Variants in MCFD2 observed in about 807,000 individuals in gnomAD.
MCFD2 encodes the protein multiple coagulation factor deficiency 2, ER cargo receptor complex subunit, also known as multiple coagulation factor deficiency protein 2.
MCFD2 carries 11 observed loss-of-function variants against 12.8 expected under a neutral mutation model. The ratio of observed to expected loss-of-function variants is 0.86; its 90% CI spans 0.54 to 1.42. The LOEUF is 1.42. Among genes scored for constraint, MCFD2 ranks in the 40% most tolerant of loss-of-function variants. The pLI is 0.00. For missense variants in MCFD2, 191 were observed against 178.6 expected, an observed-to-expected ratio of 1.07 and a Z score of -0.40; for synonymous variants, 70 against 68.1, an observed-to-expected ratio of 1.03 and a Z score of -0.14.
At chr2:46,910,605 G>C (rs1264531411) in intron 1 of MCFD2, among the ~76,000 whole-genome samples, 1 of 152,160 alleles carries the variant, frequency 6.6e-6, no homozygotes, top group Non-Finnish European at 1.5e-5. Flanking sequence ...CATCCTAAAA[G>C]GCTCTCAGGG....
chr2:46,936,778 A>G (rs1670000351), intron 1 of MCFD2, among the ~76,000 whole-genome samples: 1 of 152,232 alleles, frequency 6.6e-6, no homozygotes, highest in African/African-American at 2.4e-5. Flanking sequence ...TAGAATGCAA[A>G]GTGAACACAA....
At chr2:46,935,645 C>T (rs1016802891) in intron 1 of MCFD2, among the ~76,000 whole-genome samples, 2 of 152,156 alleles carry the variant, frequency 1.3e-5, no homozygotes, top group African/African-American at 4.8e-5. Context: ...CGCAGTGATC[C>T]AACTGAGACC....
chr2:46,918,750 C>A (rs577120010), upstream of MCFD2, among the ~76,000 whole-genome samples: 1 of 152,296 alleles, frequency 6.6e-6, no homozygotes, highest in East Asian at 1.9e-4. Context: ...AGAAATCTCA[C>A]GAGCAATATG....
intron 3 of MCFD2, chr2:46,905,863 T>C (rs1668205107): frequency 1.8e-6 from 1 of 559,084 alleles, no homozygotes; most frequent in African/African-American, 1.9e-5. Context: ...AAATTACATT[T>C]GCCAGTTAAA....
In MCFD2 at chr2:46,907,696, G is replaced by T; in HGVS notation, c.309+114C>A. The T allele has an allele frequency of 8.6e-7, 1 of 1,158,336 alleles. No homozygotes were observed. The highest frequency in any genetic ancestry group is 1.3e-6 in the Non-Finnish European group (1 of 780,890). The allele number at this position is 1,158,336 out of a possible 1,614,324, so 71.8% of individuals were successfully genotyped here. The stretch of plus-strand genomic sequence containing the variant: ...ACAGATGCGAGCCATCATGCCCAGT[G>T]GAGAAGCAGCACTCTTGGCACATAA... On this transcript the variant is annotated intron_variant, in intron 3 of 3. Transcript: ENST00000319466. The surrounding 1 kb of genome is among the most constrained non-coding windows in gnomAD (Gnocchi z 4.1).
upstream of MCFD2, among the ~76,000 whole-genome samples, chr2:46,919,642 C>A (rs1025006403): frequency 1.3e-5 from 2 of 152,216 alleles, no homozygotes; most frequent in South Asian, 4.1e-4. Flanking sequence ...AAATCTCAAG[C>A]CTGGTTAACA....
upstream of MCFD2, among the ~76,000 whole-genome samples, chr2:46,917,550 G>C (rs1668876125): frequency 6.6e-6 from 1 of 152,204 alleles, no homozygotes; most frequent in Non-Finnish European, 1.5e-5. Context: ...GAAGTGTCAA[G>C]AAGCTGGTGT....
At chr2:46,930,517 T>TG (rs145556823) in intron 1 of MCFD2, among the ~76,000 whole-genome samples, 1,490 of 145,822 alleles carry the variant, frequency 0.01, 23 homozygotes, top group African/African-American at 0.037. Context: ...TTTTTTTTTT[T>TG]AGACAAAGTC....
chr2:46,934,787 CTTTTTTTTT>C lies in MCFD2; in HGVS notation c.-8+6776_-8+6784del, dbSNP rs1161003607. ...GGAATAAGGTATGAAGACTACTGCT[CTTTTTTTTT>C]TTTTTTTTTTTTTTTTTTTTTTTGA... On this transcript the variant is annotated intron_variant, in intron 1 of 2. Coordinates refer to the MCFD2 transcript ENST00000409147. 3.1e-4 allele frequency among the ~76,000 whole-genome samples: 21 copies of C among 66,918 alleles called. No homozygotes were observed. In the East Asian group the frequency reaches 3.3e-3, roughly 11 times the overall value. 43.9% of individuals were successfully genotyped at this position (66,918 alleles called of 152,430 possible).
chr2:46,927,377 G>C (rs1669443222), intron 1 of MCFD2, among the ~76,000 whole-genome samples: 1 of 136,516 alleles, frequency 7.3e-6, no homozygotes, highest in Non-Finnish European at 1.6e-5. Flanking sequence ...TTTTTTTTGA[G>C]ATGGAGTCTC....
chr2:46,917,044 G>C (rs1668839026), upstream of MCFD2: 2 of 615,950 alleles, frequency 3.2e-6, no homozygotes, highest in African/African-American at 3.7e-5. Flanking sequence ...TGGCTAAGTA[G>C]TTAGATGCCT....
chr2:46,917,981 C>T (rs1668902988), upstream of MCFD2, among the ~76,000 whole-genome samples: 1 of 152,182 alleles, frequency 6.6e-6, no homozygotes, highest in African/African-American at 2.4e-5. Flanking sequence ...TCTATCCACC[C>T]TCCCTATGTG....
At chr2:46,911,319 G>C (rs1668476218) in intron 1 of MCFD2, among the ~76,000 whole-genome samples, 1 of 151,594 alleles carries the variant, frequency 6.6e-6, no homozygotes, top group Non-Finnish European at 1.5e-5. Context: ...GTAGAGACAG[G>C]GTTTCACCAT....
chr2:46,931,323 C>T (rs141532984), intron 1 of MCFD2, among the ~76,000 whole-genome samples: 1 of 152,240 alleles, frequency 6.6e-6, no homozygotes, highest in South Asian at 2.1e-4. Flanking sequence ...TGGCCTCAAG[C>T]AATCCTCTCG....
At chr2:46,934,173 A>C (rs1177147764) in intron 1 of MCFD2, among the ~76,000 whole-genome samples, 1 of 152,250 alleles carries the variant, frequency 6.6e-6, no homozygotes, top group African/African-American at 2.4e-5. Flanking sequence ...TTACTATTGC[A>C]GGAAACTCTT....
chr2:46,935,267 C>G (rs576604829), intron 1 of MCFD2, among the ~76,000 whole-genome samples: 1 of 151,924 alleles, frequency 6.6e-6, no homozygotes, highest in Non-Finnish European at 1.5e-5. Context: ...CTGTTCCTCC[C>G]CACACTCTTT....
chr2:46,916,034 C>T (rs765732662), upstream of MCFD2: 2 of 985,322 alleles, frequency 2.0e-6, no homozygotes, highest in African/African-American at 1.7e-5. Context: ...GCTGGACGCC[C>T]TAGGGGCCCG....
upstream of MCFD2, among the ~76,000 whole-genome samples, chr2:46,920,425 G>C (rs1669043125): frequency 6.6e-6 from 1 of 152,036 alleles, no homozygotes; most frequent in Non-Finnish European, 1.5e-5. Context: ...TGCCTCCTGG[G>C]TTCAAGCAGT....
At position 46,941,763 on chromosome 2, in the gene MCFD2, G is replaced by A. The variant is rs1252080379; in HGVS notation, c.-199C>T. On this transcript the variant is annotated 5_prime_UTR_variant, in exon 1 of 3. Coordinates refer to the MCFD2 transcript ENST00000409147. This position sits in a 1 kb window ranked among gnomAD's most constrained non-coding sequence, Gnocchi z 4.2. The stretch of plus-strand genomic sequence containing the variant: ...AGAGGCTGGCTCGCCGGCAGCGAGC[G>A]CGCGAAACGCACCGCCTCCTCCAGG... 1 of 1,546,458 alleles carries A rather than the reference G, an allele frequency of 6.5e-7. No individual in the cohort carries two copies. The highest frequency in any genetic ancestry group is 2.4e-5 in the East Asian group (1 of 40,826).
Sources: allele counts gnomAD v4.1 joint callset (sites outside exome capture counted in the v4.1 genomes callset), GRCh38; gene constraint gnomAD v4.1.1; non-coding constraint Gnocchi (gnomAD v3.1); transcripts MANE v1.5; gene names NCBI Gene and HGNC (gene_info 2026-07-23, HGNC 2026-07-21).